The following MTMR3 variants were observed in gnomAD, a reference collection of about 807,000 sequenced individuals.
MTMR3 encodes phosphatidylinositol-3,5-bisphosphate 3-phosphatase MTMR3.
Under a neutral mutation model 132.4 loss-of-function variants are expected in MTMR3, and 32 were observed. That is an observed-to-expected ratio of 0.24 (90% CI 0.18 to 0.32). The LOEUF is 0.32. Among genes scored for constraint, MTMR3 ranks in the 10% least tolerant of loss-of-function variants. The probability of loss-of-function intolerance (pLI) is 1.00; values close to 1 mark genes in which losing one functional copy is unlikely to be tolerated. For missense variants in MTMR3, 1,216 were observed against 1,489.6 expected (o/e 0.82, Z 3.02); for synonymous variants, 556 against 550.3 (o/e 1.01, Z -0.14).
chr22:29,904,189 G>T (rs2065052738), intron 1 of MTMR3, among the ~76,000 whole-genome samples: 1 of 152,158 alleles, frequency 6.6e-6, no homozygotes. Flanking sequence ...TAGCAACTGT[G>T]GGATTAGTAA....
At chr22:29,987,279 A>T (rs532735442) in intron 5 of MTMR3, 1 of 152,268 alleles carries the variant, frequency 6.6e-6, no homozygotes, top group Non-Finnish European at 1.5e-5. Flanking sequence ...TTCTGTGCTG[A>T]CTGGCAGCTC....
chr22:30,001,423 C>A (rs909165941), intron 8 of MTMR3: 3 of 152,180 alleles, frequency 2.0e-5, no homozygotes, highest in Non-Finnish European at 4.4e-5. Flanking sequence ...CATGGTGGTG[C>A]ATGCCTGTAG....
At chr22:29,899,443 A>T (rs1473969524) in intron 1 of MTMR3, 1 of 152,210 alleles carries the variant, frequency 6.6e-6, no homozygotes, top group Non-Finnish European at 1.5e-5. Context: ...CTCCTTCAAC[A>T]GTTTTAATAG....
At chr22:30,019,440 T>C in intron 16 of MTMR3, 40 bp from the exon 17 acceptor site, 1 of 1,552,700 alleles carries the variant, frequency 6.4e-7, no homozygotes, top group South Asian at 1.2e-5. Flanking sequence ...CTCCAAACAG[T>C]TTCCAAGATT....
At chr22:30,021,443 G>C (rs1819750389) in intron 17 of MTMR3, 1 of 154,536 alleles carries the variant, frequency 6.5e-6, no homozygotes, top group South Asian at 1.9e-4. Flanking sequence ...CTGGAAATGG[G>C]GGTTCCAGAG....
intron 7 of MTMR3, chr22:29,997,953 T>C (rs2067095044): frequency 6.6e-6 from 1 of 152,246 alleles, no homozygotes; most frequent in Admixed American, 6.5e-5. Context: ...TTAACGAAAG[T>C]TTGGAAAACT....
chr22:29,892,186 C>T (rs535800531), intron 1 of MTMR3, among the ~76,000 whole-genome samples: 33 of 151,940 alleles, frequency 2.2e-4, no homozygotes, highest in Middle Eastern at 3.4e-3. Flanking sequence ...TCTTGAGAGT[C>T]GTATCTGCAA....
chr22:30,002,864 C>A lies in MTMR3; in HGVS notation c.558-16C>A. On this transcript the variant is annotated splice_polypyrimidine_tract_variant and intron_variant, in intron 8 of 19. Transcript: ENST00000401950. ...CTTATCCCCTTGACTCTCCCCACTTCTCATCTTCTCTTTAGATTATGTGGT... is the reference window on the plus strand; with the variant it reads ...CTTATCCCCTTGACTCTCCCCACTTATCATCTTCTCTTTAGATTATGTGGT... The A allele has an allele frequency of 6.3e-7, 1 of 1,599,668 alleles. No individual in the cohort carries two copies. The highest frequency in any genetic ancestry group is 8.6e-7 in the Non-Finnish European group (1 of 1,167,128).
chr22:30,012,769 A>G (rs2067465893), intron 13 of MTMR3: 3 of 500,548 alleles, frequency 6.0e-6, no homozygotes, highest in East Asian at 3.3e-5. Context: ...TATGGGTAAC[A>G]AGGTATTGAG....
At chr22:29,954,059 C>CTGTTTTTT (rs2066135761) in intron 1 of MTMR3, among the ~76,000 whole-genome samples, 1 of 79,426 alleles carries the variant, frequency 1.3e-5, no homozygotes, top group Non-Finnish European at 2.2e-5. Context: ...TCAAATGAGT[C>CTGTTTTTT]TTTTTTTTTT....
intron 1 of MTMR3, among the ~76,000 whole-genome samples, chr22:29,945,552 A>AT (rs1289211064): frequency 6.6e-6 from 1 of 151,836 alleles, no homozygotes; most frequent in Admixed American, 6.6e-5. Context: ...TAAAAAAAAA[A>AT]AATGTAGCCA....
chr22:29,997,577 C>CT (rs1569041915), intron 7 of MTMR3: 1 of 152,058 alleles, frequency 6.6e-6, no homozygotes, highest in Non-Finnish European at 1.5e-5. Context: ...CTCTGTTTTG[C>CT]TTTTTTAAGG....
intron 7 of MTMR3, chr22:29,994,544 A>T (rs2067024785): frequency 6.6e-6 from 1 of 152,186 alleles, no homozygotes; most frequent in African/African-American, 2.4e-5. Flanking sequence ...CATCTTTAGG[A>T]TGAGACAACA....
intron 1 of MTMR3, among the ~76,000 whole-genome samples, chr22:29,935,945 G>T (rs1402509894): frequency 2.0e-5 from 3 of 151,720 alleles, no homozygotes; most frequent in Non-Finnish European, 4.4e-5. Flanking sequence ...GTAGAGACGG[G>T]GTTTCACCGT....
At chr22:29,907,199 GACC>G (rs1056386531) in intron 1 of MTMR3, among the ~76,000 whole-genome samples, 4 of 152,032 alleles carry the variant, frequency 2.6e-5, no homozygotes, top group African/African-American at 9.6e-5. Context: ...AGGAGATCGA[GACC>G]ATCCTGGCTA....
intron 1 of MTMR3, among the ~76,000 whole-genome samples, chr22:29,950,363 A>ATT (rs138439307): frequency 2.6e-4 from 39 of 149,722 alleles, no homozygotes; most frequent in East Asian, 5.9e-4. Context: ...TTATTTTTTT[A>ATT]TTTATTTTTT....
intron 1 of MTMR3, among the ~76,000 whole-genome samples, chr22:29,917,964 G>T (rs528355523): frequency 6.6e-6 from 1 of 152,326 alleles, no homozygotes; most frequent in South Asian, 2.1e-4. Context: ...GGGATTACTT[G>T]ATACAGAGAA....
chr22:29,988,455 G>C (rs1308398382), intron 5 of MTMR3, 25 bp from the exon 6 acceptor site: 1 of 1,572,282 alleles, frequency 6.4e-7, no homozygotes, highest in Non-Finnish European at 8.7e-7. Flanking sequence ...TTGACTAAGA[G>C]GACTTCATTT....
At chr22:29,950,210 G>C (rs1284728324) in intron 1 of MTMR3, among the ~76,000 whole-genome samples, 2 of 152,140 alleles carry the variant, frequency 1.3e-5, no homozygotes, top group Admixed American at 6.5e-5. Context: ...ATGATTCTGC[G>C]TGGCTTTAAA....
Sources: allele counts gnomAD v4.1 joint callset (sites outside exome capture counted in the v4.1 genomes callset), GRCh38; gene constraint gnomAD v4.1.1; transcripts MANE v1.5; gene names NCBI Gene and HGNC (gene_info 2026-07-23, HGNC 2026-07-21).